Variants in SGSM1 observed in about 807,000 individuals in gnomAD.
The protein encoded by SGSM1 is small G protein signaling modulator 1.
Under a neutral mutation model 133.8 loss-of-function variants are expected in SGSM1, and 73 were observed. The ratio of observed to expected loss-of-function variants is 0.55; its 90% CI spans 0.45 to 0.66. SGSM1 has a LOEUF of 0.66. Among genes scored for constraint, SGSM1 ranks in the 30% least tolerant of loss-of-function variants. The probability of loss-of-function intolerance (pLI) is 0.00; values close to 1 mark genes in which losing one functional copy is unlikely to be tolerated. For synonymous variants in SGSM1, 563 were observed against 573.0 expected (o/e 0.98, Z 0.25); for missense variants, 1,213 against 1,448.1 (o/e 0.84, Z 2.64).
rs530133950 is a variant in SGSM1 at position 24,827,621 on chromosome 22, C to T, written c.64-17276C>T. On this transcript the variant is annotated intron_variant, in intron 2 of 24. Transcript: ENST00000400358. ...GCCCATGAGCACCTCCTGGGTAGTC[C>T]GTGTCATCTCAAGCACCTCTGTCAT... Among the ~76,000 whole-genome samples the T allele has an allele frequency of 7.9e-4, 120 of 152,102 alleles. 1 individual carries two copies. Among genetic ancestry groups the T allele is most frequent in the African/African-American group, 2.8e-3 (118 of 41,472 alleles).
At position 24,910,093 on chromosome 22, in the gene SGSM1, A is replaced by G. The variant is rs181644274; in HGVS notation, c.2819-2550A>G. On this transcript the variant is annotated intron_variant, in intron 21 of 24. Transcript: ENST00000400358. The stretch of plus-strand genomic sequence containing the variant: ...ATGCTAAGTGAAAGAAGCCAGACAC[A>G]AAAGTTCACAAATGGTGTGATTCCA... 7.4e-4 allele frequency among the ~76,000 whole-genome samples: 112 copies of G among 152,366 alleles called. 2 individuals are homozygous for G. The highest frequency in any genetic ancestry group is 6.8e-3 in the Middle Eastern group (2 of 294).
chr22:24,834,031 G>A (rs575728359), intron 2 of SGSM1, among the ~76,000 whole-genome samples: 23 of 149,162 alleles, frequency 1.5e-4, no homozygotes, highest in Admixed American at 6.1e-4. Context: ...AGAACAGATG[G>A]GGCCCAGTAG....
chr22:24,822,001 G>A (rs1332650661), intron 2 of SGSM1, among the ~76,000 whole-genome samples: 1 of 151,932 alleles, frequency 6.6e-6, no homozygotes, highest in Non-Finnish European at 1.5e-5. Flanking sequence ...ACAAATGTCT[G>A]AGGGCATGCA....
Position 24,915,578 on chromosome 22 carries a change from T to G in SGSM1, c.2929-2080T>G, listed in dbSNP as rs746509553. Among the ~76,000 whole-genome samples, 5 of 152,186 alleles carry G rather than the reference T, an allele frequency of 3.3e-5. No individual in the cohort carries two copies. In the South Asian group the frequency reaches 8.3e-4, roughly 25 times the overall value. On this transcript the variant is annotated intron_variant, in intron 22 of 24. Transcript: ENST00000400358. ...TTAATTTTTGTGGGTACATAATAGG[T>G]GTATATATATGTGGAGTACATGAGT... is the stretch of plus-strand genomic sequence containing the variant.
At position 24,863,812 on chromosome 22, in the gene SGSM1, G is replaced by A. The variant is rs1282764803; in HGVS notation, c.927-3281G>A. The stretch of plus-strand genomic sequence containing the variant: ...GCTGGAGTGAAATGGCATGATCTCG[G>A]CTCACTGCAACCTCCGCCTCCCAGG... On this transcript the variant is annotated intron_variant, in intron 9 of 24. Transcript: ENST00000400358. Among the ~76,000 whole-genome samples the A allele has an allele frequency of 4.6e-5, 7 of 151,034 alleles. No homozygotes were observed. In the East Asian group the frequency reaches 1.4e-3, roughly 30 times the overall value.
intron 12 of SGSM1, among the ~76,000 whole-genome samples, chr22:24,873,786 A>G (rs546611834): frequency 7.8e-4 from 119 of 152,240 alleles, no homozygotes; most frequent in Non-Finnish European, 1.5e-3. Flanking sequence ...CTGGGAGATC[A>G]GGGCTGCAGT....
intron 2 of SGSM1, among the ~76,000 whole-genome samples, chr22:24,824,016 C>T (rs993335587): frequency 6.6e-6 from 1 of 152,192 alleles, no homozygotes; most frequent in African/African-American, 2.4e-5. Context: ...CAGGATTTAC[C>T]CAAGATCATG....
At position 24,893,602 on chromosome 22, in the gene SGSM1, A is replaced by G; in HGVS notation, c.1942A>G (p.Ile648Val). The change falls in exon 17 of 25, where the codon ATC (isoleucine) becomes GTC (valine). Residue 648 changes from isoleucine (I) to valine (V), a missense_variant. Physicochemically the swap from Ile to Val is conservative, Grantham distance 29. Coordinates refer to ENST00000400358, the MANE Select transcript of SGSM1 (RefSeq NM_001098497.3). ...CCGGATGTTGCACAGGGACTCAACC[A>G]TCAGCAATGAGGTGATGGGCGGCTG... ...LHRMLHRDST[I>V]SNESSQSCSS... 6.4e-7 allele frequency: 1 copy of G among 1,574,778 alleles called. No individual in the cohort carries two copies. Among genetic ancestry groups the G allele is most frequent in the African/African-American group, 1.3e-5 (1 of 74,324 alleles).
chr22:24,837,421 A>C (rs1213160989), intron 2 of SGSM1, among the ~76,000 whole-genome samples: 2 of 152,234 alleles, frequency 1.3e-5, no homozygotes, highest in Non-Finnish European at 2.9e-5. Flanking sequence ...GTACAGGATG[A>C]AACATGAAGG....
chr22:24,883,070 T>G (rs1319271213), intron 14 of SGSM1, among the ~76,000 whole-genome samples: 1 of 133,784 alleles, frequency 7.5e-6, no homozygotes, highest in Non-Finnish European at 1.5e-5. Flanking sequence ...AATTTTTTTG[T>G]ATTTTTTTTT....
At chr22:24,903,417 C>T (rs1039301700) in intron 20 of SGSM1, among the ~76,000 whole-genome samples, 6 of 152,140 alleles carry the variant, frequency 3.9e-5, no homozygotes, top group African/African-American at 1.2e-4. Context: ...CCATGTTGCC[C>T]AGGCTGGTCT....
intron 2 of SGSM1, among the ~76,000 whole-genome samples, chr22:24,813,393 C>T (rs1300782664): frequency 6.6e-6 from 1 of 152,158 alleles, no homozygotes; most frequent in African/African-American, 2.4e-5. Flanking sequence ...ACCAGATCAT[C>T]AGATAAGACA....
chr22:24,904,288 G>A (rs1933284256), intron 20 of SGSM1, among the ~76,000 whole-genome samples: 1 of 152,116 alleles, frequency 6.6e-6, no homozygotes, highest in African/African-American at 2.4e-5. Flanking sequence ...TTTGAAAATA[G>A]TGGGTTGAGA....
chr22:24,914,292 C>CAA (rs144720210), intron 22 of SGSM1, among the ~76,000 whole-genome samples: 30,280 of 94,808 alleles, frequency 0.32, 4,839 homozygotes, highest in East Asian at 0.57. Flanking sequence ...GACTCCATCT[C>CAA]AAAAAAAAAA....
chr22:24,881,159 C>CT (rs920856752), intron 14 of SGSM1, among the ~76,000 whole-genome samples: 2 of 135,406 alleles, frequency 1.5e-5, no homozygotes, highest in Non-Finnish European at 3.1e-5. Context: ...CGCCACTGCA[C>CT]TCCAGCCTGG....
chr22:24,878,756 A>C (rs1035306283), intron 13 of SGSM1, among the ~76,000 whole-genome samples: 4 of 152,202 alleles, frequency 2.6e-5, no homozygotes, highest in African/African-American at 9.7e-5. Flanking sequence ...TCACCTACTT[A>C]GCAATCAGCC....
intron 9 of SGSM1, among the ~76,000 whole-genome samples, chr22:24,864,346 A>C (rs1018582922): frequency 6.6e-6 from 1 of 152,224 alleles, no homozygotes; most frequent in African/African-American, 2.4e-5. Flanking sequence ...AACTTAGCCC[A>C]CACAAAAACT....
rs775074228 is a variant in SGSM1, at chr22:24,912,710, C to G, written c.2886C>G (p.Gly962=). 6.2e-7 allele frequency: 1 copy of G among 1,613,618 alleles called. No individual in the cohort carries two copies. Among genetic ancestry groups the G allele is most frequent in the Non-Finnish European group, 8.5e-7 (1 of 1,179,860 alleles). The part of the protein sequence containing the change: ...KRMNQNFPHG[G]AMDTHFANMR... ...TGAACCAGAACTTCCCCCACGGAGG[C>G]GCCATGGACACGCACTTTGCAAACA... Residue 962 remains glycine (G), a synonymous_variant, in exon 22 of 25, where the codon GGC becomes GGG. Transcript: ENST00000400358.
At chr22:24,853,885 A>G (rs895875026) in intron 5 of SGSM1, among the ~76,000 whole-genome samples, 8 of 150,256 alleles carry the variant, frequency 5.3e-5, no homozygotes, top group South Asian at 4.2e-4. Flanking sequence ...CCAAAGTGCT[A>G]GGATTACAGG....
Sources: allele counts gnomAD v4.1 joint callset (sites outside exome capture counted in the v4.1 genomes callset), GRCh38; gene constraint gnomAD v4.1.1; transcripts MANE v1.5; gene names NCBI Gene and HGNC (gene_info 2026-07-23, HGNC 2026-07-21).